Variants in BORCS5 observed in about 807,000 individuals in gnomAD.
The protein encoded by BORCS5 is BLOC-1 related complex subunit 5.
A neutral mutation model predicts 22.1 loss-of-function variants in BORCS5; 17 were observed. That is an observed-to-expected ratio of 0.77 (90% CI 0.53 to 1.15). BORCS5 has a LOEUF of 1.15. BORCS5 is among the 50% of genes most tolerant of loss of function. BORCS5 has a pLI of 0.00. For missense variants in BORCS5, 247 were observed against 253.2 expected (o/e 0.98, Z 0.17); for synonymous variants, 117 against 99.8 (o/e 1.17, Z -1.03).
chr12:12,386,741 A>G (rs1379080487), intron 2 of BORCS5, among the ~76,000 whole-genome samples: 1 of 151,188 alleles, frequency 6.6e-6, no homozygotes, highest in Non-Finnish European at 1.5e-5. Flanking sequence ...AAGTGCTGGG[A>G]TTACAGGTGC....
intron 2 of BORCS5, among the ~76,000 whole-genome samples, chr12:12,382,070 A>G (rs1863785545): frequency 1.3e-5 from 2 of 151,550 alleles, no homozygotes; most frequent in Middle Eastern, 3.4e-3. Flanking sequence ...TCTAATATTA[A>G]TAGAGCCATT....
At chr12:12,427,657 A>G (rs1001778174) in intron 2 of BORCS5, among the ~76,000 whole-genome samples, 4 of 152,216 alleles carry the variant, frequency 2.6e-5, no homozygotes, top group Admixed American at 2.0e-4. Flanking sequence ...ACAGAATACC[A>G]TAAACCGGGT....
At chr12:12,384,525 T>C (rs1290241253) in intron 2 of BORCS5, among the ~76,000 whole-genome samples, 2 of 150,574 alleles carry the variant, frequency 1.3e-5, no homozygotes, top group African/African-American at 2.4e-5. Flanking sequence ...AATTTTTTTG[T>C]TAAGAACTGG....
rs962650512 is a variant in BORCS5 at position 12,465,899 on chromosome 12, C to T, written c.*123C>T. 1.6e-5 allele frequency: 12 copies of T among 733,980 alleles called. No individual in the cohort carries two copies. Among genetic ancestry groups the T allele is most frequent in the Non-Finnish European group, 2.4e-5 (11 of 457,810 alleles). 45.5% of individuals were successfully genotyped at this position (733,980 alleles called of 1,614,324 possible). The stretch of plus-strand genomic sequence containing the variant: ...GCGGGAGGCTCCCTGAAAGTGGGTG[C>T]GAAGGAGTCCGGCTGGCATGAAAAT... On this transcript the variant is annotated 3_prime_UTR_variant, in exon 4 of 4. Transcript: ENST00000314565.
intron 3 of BORCS5, among the ~76,000 whole-genome samples, chr12:12,461,092 T>C (rs1056174110): frequency 6.6e-6 from 1 of 152,088 alleles, no homozygotes; most frequent in Admixed American, 6.5e-5. Flanking sequence ...TATGAATCTG[T>C]AGGGCAAAGT....
chr12:12,411,937 T>A (rs1437030651), intron 2 of BORCS5, among the ~76,000 whole-genome samples: 2 of 152,208 alleles, frequency 1.3e-5, no homozygotes, highest in Non-Finnish European at 2.9e-5. Context: ...CATATGACTT[T>A]ATATGTGAGG....
At chr12:12,439,091 T>A (rs1250597941) in intron 3 of BORCS5, among the ~76,000 whole-genome samples, 1 of 152,238 alleles carries the variant, frequency 6.6e-6, no homozygotes, top group Non-Finnish European at 1.5e-5. Flanking sequence ...TTGAAAGATG[T>A]AGTTATAATG....
intron 2 of BORCS5, among the ~76,000 whole-genome samples, chr12:12,370,099 T>TAC (rs56408181): frequency 0.24 from 35,019 of 145,154 alleles, 4,641 homozygotes; most frequent in Non-Finnish European, 0.31. Context: ...AGTGGTTTTA[T>TAC]ACACACACAC....
intron 3 of BORCS5, among the ~76,000 whole-genome samples, chr12:12,458,224 ACCT>A (rs1217883102): frequency 1.3e-5 from 2 of 152,048 alleles, no homozygotes; most frequent in African/African-American, 4.8e-5. Context: ...TACTCTTAAC[ACCT>A]CCTTGGCTCC....
intron 2 of BORCS5, among the ~76,000 whole-genome samples, chr12:12,433,180 C>T (rs1208372565): frequency 6.6e-6 from 1 of 150,744 alleles, no homozygotes; most frequent in African/African-American, 2.5e-5. Flanking sequence ...CTAAAAAATG[C>T]AAAAATTAGG....
intron 1 of BORCS5, among the ~76,000 whole-genome samples, chr12:12,358,535 G>C (rs879699710): frequency 5.3e-5 from 8 of 152,190 alleles, no homozygotes; most frequent in Non-Finnish European, 7.3e-5. Context: ...TGCCACCTTT[G>C]ACATTCTTGC....
At chr12:12,408,676 C>T (rs1258403033) in intron 2 of BORCS5, among the ~76,000 whole-genome samples, 2 of 152,184 alleles carry the variant, frequency 1.3e-5, no homozygotes, top group African/African-American at 4.8e-5. Flanking sequence ...TGGCTTACTT[C>T]ACTTAGTGTA....
At chr12:12,408,860 T>G (rs1383460423) in intron 2 of BORCS5, among the ~76,000 whole-genome samples, 1 of 152,258 alleles carries the variant, frequency 6.6e-6, no homozygotes, top group African/African-American at 2.4e-5. Flanking sequence ...TTGAATTGTT[T>G]CCATGTTTTG....
intron 2 of BORCS5, among the ~76,000 whole-genome samples, chr12:12,371,910 C>G (rs1037907136): frequency 6.6e-6 from 1 of 152,070 alleles, no homozygotes; most frequent in African/African-American, 2.4e-5. Context: ...TTAATCTCAT[C>G]CAAGGTGTTC....
At chr12:12,423,055 G>C (rs1297941832) in intron 2 of BORCS5, among the ~76,000 whole-genome samples, 1 of 151,526 alleles carries the variant, frequency 6.6e-6, no homozygotes, top group Non-Finnish European at 1.5e-5. Flanking sequence ...AGGCTGGAGT[G>C]CAGTGGCGTG....
At chr12:12,420,942 A>T (rs189243951) in intron 2 of BORCS5, among the ~76,000 whole-genome samples, 41 of 152,236 alleles carry the variant, frequency 2.7e-4, no homozygotes, top group African/African-American at 9.1e-4. Context: ...GCTTAAGGAG[A>T]TTTGGGGCTG....
intron 3 of BORCS5, among the ~76,000 whole-genome samples, chr12:12,461,180 C>T (rs1024799758): frequency 5.6e-4 from 63 of 111,942 alleles, no homozygotes; most frequent in Admixed American, 1.0e-3. Context: ...TTTTTTTTTT[C>T]CCCCTGGGAT....
chr12:12,407,702 C>CTTTT lies in BORCS5; in HGVS notation c.203-27924_203-27921dup, dbSNP rs201404558. ...TATTTTCGCCATGAATTTTACTATTCTTTTTGTTTTTTTTTTTTTTTGAGA... is the reference window on the plus strand; with the variant it reads ...TATTTTCGCCATGAATTTTACTATTCTTTTTTTTTGTTTTTTTTTTTTTTTGAGA... On this transcript the variant is annotated intron_variant, in intron 2 of 3. Transcript: ENST00000314565. 2.3e-4 allele frequency among the ~76,000 whole-genome samples: 32 copies of CTTTT among 141,786 alleles called. 2 individuals are homozygous for CTTTT. Among genetic ancestry groups the CTTTT allele is most frequent in the African/African-American group, 5.5e-4 (21 of 37,940 alleles). The allele number at this position is 141,786 out of a possible 152,430, so 93.0% of individuals were successfully genotyped here. A position where few individuals can be genotyped will look rare whatever the true frequency, so the allele number is the denominator to read the frequency against.
chr12:12,360,598 A>G (rs1255925997), intron 1 of BORCS5, among the ~76,000 whole-genome samples: 3 of 123,786 alleles, frequency 2.4e-5, no homozygotes, highest in East Asian at 2.6e-4. Flanking sequence ...TTTTTTAGAG[A>G]TAGGGTCTCA....
Sources: allele counts gnomAD v4.1 joint callset (sites outside exome capture counted in the v4.1 genomes callset), GRCh38; gene constraint gnomAD v4.1.1; transcripts MANE v1.5; gene names NCBI Gene and HGNC (gene_info 2026-07-23, HGNC 2026-07-21).